TACR1: variants seen among roughly 807,000 people sequenced by gnomAD.
TACR1 encodes the protein tachykinin receptor 1, also known as substance-P receptor.
A neutral mutation model predicts 35.8 loss-of-function variants in TACR1; 25 were observed. The observed-to-expected ratio is 0.70, with a 90% CI of 0.51 to 0.98. The LOEUF (loss-of-function observed/expected upper bound fraction) is 0.98, where lower values mean the gene tolerates loss of function less well. Among genes scored for constraint, TACR1 ranks in the 50% least tolerant of loss-of-function variants. The pLI is 0.00. For missense variants in TACR1, 478 were observed against 522.9 expected, an observed-to-expected ratio of 0.91 and a Z score of 0.84; for synonymous variants, 195 against 206.7, an observed-to-expected ratio of 0.94 and a Z score of 0.48.
chr2:75,119,285 A>C (rs2103905031), intron 2 of TACR1, among the ~76,000 whole-genome samples: 2 of 152,358 alleles, frequency 1.3e-5, no homozygotes, highest in South Asian at 4.1e-4. Context: ...GATCTTCACA[A>C]GAATTGTTTA....
chr2:75,103,254 G>A (rs1054419963), intron 2 of TACR1, among the ~76,000 whole-genome samples: 4 of 152,032 alleles, frequency 2.6e-5, no homozygotes, highest in Non-Finnish European at 4.4e-5. Context: ...GTAGAACTGG[G>A]GCAGGAAATA....
chr2:75,187,405 GT>G (rs3836195), intron 1 of TACR1: 76,535 of 151,942 alleles, frequency 0.5, 21,373 homozygotes, highest in African/African-American at 0.77. Context: ...CCCCTTGGTG[GT>G]ATACCTGGGA....
intron 2 of TACR1, among the ~76,000 whole-genome samples, chr2:75,058,239 C>T (rs886745884): frequency 1.3e-5 from 2 of 152,028 alleles, no homozygotes; most frequent in Non-Finnish European, 2.9e-5. Flanking sequence ...TTTTTTTGAT[C>T]TTGATGTCTT....
At chr2:75,125,073 C>A (rs1285137765) in intron 1 of TACR1, among the ~76,000 whole-genome samples, 1 of 152,238 alleles carries the variant, frequency 6.6e-6, no homozygotes, top group Non-Finnish European at 1.5e-5. Flanking sequence ...GTCATCATGT[C>A]CTTGTGGCTG....
chr2:75,078,624 A>C (rs1181882370), intron 2 of TACR1, among the ~76,000 whole-genome samples: 1 of 152,228 alleles, frequency 6.6e-6, no homozygotes, highest in South Asian at 2.1e-4. Context: ...CTCCAGTCAC[A>C]TCATTTGTGC....
At chr2:75,068,818 G>T (rs931966517) in intron 2 of TACR1, among the ~76,000 whole-genome samples, 1 of 152,156 alleles carries the variant, frequency 6.6e-6, no homozygotes, top group African/African-American at 2.4e-5. Flanking sequence ...ACTGGCCCAA[G>T]AATTCTCCAT....
At chr2:75,187,166 C>A (rs1193458249) in intron 1 of TACR1, 1 of 152,248 alleles carries the variant, frequency 6.6e-6, no homozygotes, top group Non-Finnish European at 1.5e-5. Flanking sequence ...AGAATATATT[C>A]CACAGTCCCT....
intron 2 of TACR1, among the ~76,000 whole-genome samples, chr2:75,075,234 A>G (rs1216886201): frequency 1.3e-5 from 2 of 152,210 alleles, no homozygotes; most frequent in African/African-American, 2.4e-5. Context: ...TTTTACATTT[A>G]CTAGCTAGGG....
At chr2:75,151,374 A>C (rs1674666633) in intron 1 of TACR1, among the ~76,000 whole-genome samples, 2 of 152,186 alleles carry the variant, frequency 1.3e-5, no homozygotes, top group South Asian at 4.1e-4. Flanking sequence ...TGTGTAGCCT[A>C]GGGACTTGGT....
chr2:75,186,201 G>C (rs555842369), intron 1 of TACR1, among the ~76,000 whole-genome samples: 1 of 151,346 alleles, frequency 6.6e-6, no homozygotes, highest in Non-Finnish European at 1.5e-5. Context: ...GTGAAACTCC[G>C]TCTCTACTAA....
At chr2:75,089,109 C>T (rs1052597719) in intron 2 of TACR1, among the ~76,000 whole-genome samples, 1 of 152,178 alleles carries the variant, frequency 6.6e-6, no homozygotes, top group Non-Finnish European at 1.5e-5. Flanking sequence ...TGGCCTAGAA[C>T]ACAGGGCTGC....
intron 1 of TACR1, among the ~76,000 whole-genome samples, chr2:75,141,689 A>C (rs1674410918): frequency 6.6e-6 from 1 of 152,206 alleles, no homozygotes; most frequent in South Asian, 2.1e-4. Context: ...ACTAGGAATA[A>C]ATACGCAGAT....
intron 1 of TACR1, among the ~76,000 whole-genome samples, chr2:75,153,430 C>G (rs138605932): frequency 1.3e-5 from 2 of 152,318 alleles, no homozygotes; most frequent in African/African-American, 4.8e-5. Flanking sequence ...CAGCTACTCA[C>G]TTGCTGAGAA....
At chr2:75,167,655 A>G (rs1231724358) in intron 1 of TACR1, among the ~76,000 whole-genome samples, 2 of 152,208 alleles carry the variant, frequency 1.3e-5, no homozygotes, top group Non-Finnish European at 2.9e-5. Context: ...AGAGGCAAAT[A>G]TCTTGGGGTG....
chr2:75,173,848 C>T (rs1675347764), intron 1 of TACR1, among the ~76,000 whole-genome samples: 1 of 152,198 alleles, frequency 6.6e-6, no homozygotes, highest in African/African-American at 2.4e-5. Context: ...ATGAGATCTT[C>T]CTGTTCTTAT....
chr2:75,084,688 C>T (rs1424566011), intron 2 of TACR1, among the ~76,000 whole-genome samples: 4 of 152,138 alleles, frequency 2.6e-5, no homozygotes, highest in Non-Finnish European at 5.9e-5. Context: ...TTATCCATTT[C>T]TTCTAGATTT....
At chr2:75,062,734 C>T (rs10205928) in intron 2 of TACR1, among the ~76,000 whole-genome samples, 8,300 of 152,236 alleles carry the variant, frequency 0.055, 644 homozygotes, top group African/African-American at 0.17. Context: ...CCAGAAAACA[C>T]GTGCCAATCT....
intron 2 of TACR1, among the ~76,000 whole-genome samples, chr2:75,085,139 G>T (rs780336171): frequency 1.7e-4 from 26 of 152,022 alleles, no homozygotes; most frequent in South Asian, 4.2e-4. Flanking sequence ...CTTTGTTCTC[G>T]TTGGGAGAAA....
chr2:75,169,742 T>C (rs998018892), intron 1 of TACR1, among the ~76,000 whole-genome samples: 1 of 152,208 alleles, frequency 6.6e-6, no homozygotes, highest in Non-Finnish European at 1.5e-5. Context: ...AGTTTTATTC[T>C]ATTGTAATTT....
Sources: allele counts gnomAD v4.1 joint callset (sites outside exome capture counted in the v4.1 genomes callset), GRCh38; gene constraint gnomAD v4.1.1; transcripts MANE v1.5; gene names NCBI Gene and HGNC (gene_info 2026-07-23, HGNC 2026-07-21).